The following NCKAP1L variants were observed in gnomAD, a reference collection of about 807,000 sequenced individuals.
NCKAP1L encodes the protein nck-associated protein 1-like.
Under a neutral mutation model 139.2 loss-of-function variants are expected in NCKAP1L, and 53 were observed. That is an observed-to-expected ratio of 0.38 (90% CI 0.31 to 0.48). The LOEUF (loss-of-function observed/expected upper bound fraction) is 0.48, where lower values mean the gene tolerates loss of function less well. NCKAP1L is among the 20% of genes least tolerant of loss of function. NCKAP1L has a pLI of 0.98. For synonymous variants in NCKAP1L, 468 were observed against 499.7 expected (o/e 0.94, Z 0.85); for missense variants, 1,151 against 1,381.9 (o/e 0.83, Z 2.65).
chr12:54,529,540 C>G (rs971467365), intron 22 of NCKAP1L, among the ~76,000 whole-genome samples: 2 of 152,102 alleles, frequency 1.3e-5, no homozygotes, highest in Non-Finnish European at 2.9e-5. Context: ...GCTAAGAAAG[C>G]CAAAGTACAC....
intron 25 of NCKAP1L, 49 bp from the exon 26 acceptor site, chr12:54,532,121 A>T: frequency 7.6e-7 from 1 of 1,318,970 alleles, no homozygotes; most frequent in Non-Finnish European, 1.1e-6. Flanking sequence ...CTATTTTTGA[A>T]GGCATTGGTC....
chr12:54,512,554 G>A (rs1424385412), intron 9 of NCKAP1L: 2 of 153,616 alleles, frequency 1.3e-5, no homozygotes, highest in African/African-American at 4.8e-5. Context: ...CTATGTGCTT[G>A]TTAAAGAAAA....
Position 54,528,292 on chromosome 12 carries a change from C to T in NCKAP1L, c.2421C>T (p.Ile807=). 1 of 1,614,014 alleles carries T rather than the reference C, an allele frequency of 6.2e-7. No homozygotes were observed. Among genetic ancestry groups the T allele is most frequent in the Non-Finnish European group, 8.5e-7 (1 of 1,179,948 alleles). The change falls in exon 22 of 31, where the codon ATC becomes ATT. Residue 807 remains isoleucine (I), a synonymous_variant. Transcript: ENST00000293373. ...GACAGGCAAGCAGTGGGACCATCAT[C>T]CTCTCCCCAGCCATGCAGGCCTTCG... ...LLRQASSGTI[I]LSPAMQAFVS... is the part of the protein sequence containing the mutation.
At chr12:54,539,399 A>G (rs1957139851) in intron 30 of NCKAP1L, among the ~76,000 whole-genome samples, 1 of 152,038 alleles carries the variant, frequency 6.6e-6, no homozygotes, top group African/African-American at 2.4e-5. Flanking sequence ...TCAGAGGTTG[A>G]GGGGTGGGGG....
intron 18 of NCKAP1L, 136 bp from the exon 19 acceptor site, chr12:54,523,258 G>A: frequency 1.0e-6 from 1 of 970,168 alleles, no homozygotes. Flanking sequence ...AAAGAAAGAG[G>A]TGTGTGGAAG....
intron 28 of NCKAP1L, chr12:54,536,473 T>C (rs1320222344): frequency 2.4e-6 from 1 of 414,134 alleles, no homozygotes; most frequent in Admixed American, 3.9e-5. Context: ...CAGACCAGCC[T>C]AGGCAACGTG....
chr12:54,542,677 C>T lies in NCKAP1L; in HGVS notation c.3376C>T (p.Leu1126=), dbSNP rs1957167621. ...TCGGGAGGTGTCTCGGGCCTTCCAC[C>T]TAAACTGAATGCCTGCCAGTACCCA... ...AYREVSRAFH[L]N is the part of the protein sequence containing the mutation. The change falls in exon 31 of 31, where the codon CTA becomes TTA. Residue 1126 remains leucine, a synonymous_variant. Coordinates refer to ENST00000293373, the MANE Select transcript of NCKAP1L (RefSeq NM_005337.5). 1.9e-6 allele frequency: 3 copies of T among 1,589,744 alleles called. No individual in the cohort carries two copies. Among genetic ancestry groups the T allele is most frequent in the South Asian group, 2.2e-5 (2 of 90,768 alleles).
intron 3 of NCKAP1L, among the ~76,000 whole-genome samples, chr12:54,503,663 G>A (rs534494937): frequency 1.1e-3 from 157 of 146,928 alleles, no homozygotes; most frequent in Non-Finnish European, 1.8e-3. Flanking sequence ...TTTTTGAGGC[G>A]GAGTCTTACT....
Position 54,531,831 on chromosome 12 carries a change from T to C in NCKAP1L, c.2781+6T>C, listed in dbSNP as rs775985578. Reference sequence around the variant, plus strand: ...CCCAAGAGGGACTTCGGGAGGTGAGTTGGTGGGGAGGGGTCTGTCACAGAG... The same window carrying C: ...CCCAAGAGGGACTTCGGGAGGTGAGCTGGTGGGGAGGGGTCTGTCACAGAG... On this transcript the variant is annotated splice_donor_region_variant and intron_variant, in intron 25 of 30. Coordinates refer to ENST00000293373, the MANE Select transcript of NCKAP1L (RefSeq NM_005337.5). 5 of 1,607,258 alleles carry C rather than the reference T, an allele frequency of 3.1e-6. No homozygotes were observed. Among genetic ancestry groups the C allele is most frequent in the Non-Finnish European group, 4.3e-6 (5 of 1,174,316 alleles).
chr12:54,519,551 G>A (rs951865490), intron 16 of NCKAP1L, among the ~76,000 whole-genome samples: 3 of 151,040 alleles, frequency 2.0e-5, no homozygotes, highest in African/African-American at 4.9e-5. Flanking sequence ...TTACAGGCGA[G>A]AGCCACCAAG....
Position 54,502,254 on chromosome 12 carries a change from A to G in NCKAP1L, c.306+1629A>G, listed in dbSNP as rs533376681. Among the ~76,000 whole-genome samples, 31 of 152,346 alleles carry G rather than the reference A, an allele frequency of 2.0e-4. 1 individual carries two copies. The highest frequency in any genetic ancestry group is 6.2e-4 in the South Asian group (3 of 4,834). ...GTCTGAAATTTGAAATGTTTCAATG[A>G]GCATTTCCTTTGAGTGTCTTGTTGG... On this transcript the variant is annotated intron_variant, in intron 3 of 30. Coordinates refer to ENST00000293373, the MANE Select transcript of NCKAP1L (RefSeq NM_005337.5).
At chr12:54,500,418 C>A (rs1197406543) in intron 2 of NCKAP1L, 115 bp from the exon 3 acceptor site, 1 of 722,370 alleles carries the variant, frequency 1.4e-6, no homozygotes, top group Non-Finnish European at 2.4e-6. Flanking sequence ...GCCACTGCGC[C>A]CGGCCTCAAC....
intron 5 of NCKAP1L, among the ~76,000 whole-genome samples, chr12:54,509,248 T>C (rs1350516165): frequency 6.6e-6 from 1 of 152,220 alleles, no homozygotes; most frequent in Non-Finnish European, 1.5e-5. Flanking sequence ...CACATCATTC[T>C]ATGATGATGT....
rs941272825 is a variant in NCKAP1L at position 54,531,604 on chromosome 12, A to G, written c.2698+20A>G. Reference sequence around the variant, plus strand: ...TGACAGGTAAGCATCCTCTTCCCCTATAGTGAGAAGGAGCTGTGGAATCAC... The same window carrying G: ...TGACAGGTAAGCATCCTCTTCCCCTGTAGTGAGAAGGAGCTGTGGAATCAC... On this transcript the variant is annotated intron_variant, in intron 24 of 30. Coordinates refer to ENST00000293373, the MANE Select transcript of NCKAP1L (RefSeq NM_005337.5). 6.8e-6 allele frequency: 11 copies of G among 1,612,156 alleles called. No individual in the cohort carries two copies. Among genetic ancestry groups the G allele is most frequent in the Admixed American group, 6.7e-5 (4 of 60,000 alleles).
At chr12:54,501,462 T>A (rs1956797599) in intron 3 of NCKAP1L, among the ~76,000 whole-genome samples, 1 of 152,220 alleles carries the variant, frequency 6.6e-6, no homozygotes, top group Admixed American at 6.5e-5. Flanking sequence ...CTTTTGATTA[T>A]AAACATGAAA....
At position 54,546,812 on chromosome 12, in the gene NCKAP1L, A is replaced by G. The variant is rs1335201168; in HGVS notation, c.*4127A>G. The G allele has an allele frequency of 1.3e-5, 2 of 152,350 alleles. No individual in the cohort carries two copies. Among genetic ancestry groups the G allele is most frequent in the Admixed American group, 1.3e-4 (2 of 15,286 alleles). 9.4% of individuals were successfully genotyped at this position (152,350 alleles called of 1,614,324 possible). A position where few individuals can be genotyped will look rare whatever the true frequency, so the allele number is the denominator to read the frequency against. Reference sequence around the variant, plus strand: ...TTGCAGGTTGAGGAAGTCAGAAGTTAACTTGAGCTGAGTTTGCAGCTCTGG... The same window carrying G: ...TTGCAGGTTGAGGAAGTCAGAAGTTGACTTGAGCTGAGTTTGCAGCTCTGG... On this transcript the variant is annotated 3_prime_UTR_variant, in exon 31 of 31. Coordinates refer to ENST00000293373, the MANE Select transcript of NCKAP1L (RefSeq NM_005337.5).
intron 3 of NCKAP1L, among the ~76,000 whole-genome samples, chr12:54,506,721 C>T (rs1956841392): frequency 6.9e-6 from 1 of 143,948 alleles, no homozygotes; most frequent in Non-Finnish European, 1.5e-5. Flanking sequence ...GTGTGAACCG[C>T]CATGCTTGGC....
At chr12:54,508,849 G>T (rs1219913755) in intron 5 of NCKAP1L, among the ~76,000 whole-genome samples, 1 of 152,170 alleles carries the variant, frequency 6.6e-6, no homozygotes, top group African/African-American at 2.4e-5. Context: ...AGCACTGACT[G>T]TGGGACTTCA....
intron 7 of NCKAP1L, 118 bp from the exon 8 acceptor site, chr12:54,511,685 G>A: frequency 9.5e-7 from 1 of 1,052,410 alleles, no homozygotes; most frequent in South Asian, 1.5e-5. Context: ...GGGATTAAAG[G>A]CGTTAGCCAC....
Sources: allele counts gnomAD v4.1 joint callset (sites outside exome capture counted in the v4.1 genomes callset), GRCh38; gene constraint gnomAD v4.1.1; transcripts MANE v1.5; gene names NCBI Gene and HGNC (gene_info 2026-07-23, HGNC 2026-07-21).